RGS18: variants seen among roughly 807,000 people sequenced by gnomAD.
RGS18 encodes regulator of G-protein signaling 18.
RGS18 carries 22 observed loss-of-function variants against 27.6 expected under a neutral mutation model. That is an observed-to-expected ratio of 0.80 (90% CI 0.57 to 1.14). The LOEUF is 1.14. Ranked by LOEUF, RGS18 falls within the 50% of genes most tolerant of loss-of-function variation. RGS18 has a pLI of 0.00. For synonymous variants in RGS18, 89 were observed against 84.6 expected, an observed-to-expected ratio of 1.05 and a Z score of -0.29; for missense variants, 299 against 269.6, an observed-to-expected ratio of 1.11 and a Z score of -0.76.
intron 3 of RGS18, among the ~76,000 whole-genome samples, chr1:192,167,442 T>A (rs1226117365): frequency 6.6e-6 from 1 of 152,032 alleles, no homozygotes; most frequent in African/African-American, 2.4e-5. Flanking sequence ...TTTTTTTATA[T>A]TGAATCTCAC....
In RGS18 at chr1:192,158,489, G is replaced by A; in HGVS notation, c.-149G>A. ...TTCTGCATTTCTGCAGAGACAGAAA[G>A]AAACGCAGCTCTTGACTTCTTTTTT... On this transcript the variant is annotated 5_prime_UTR_variant, in exon 1 of 5. Coordinates refer to ENST00000367460, the MANE Select transcript of RGS18 (RefSeq NM_130782.3). The A allele has an allele frequency of 1.6e-6, 1 of 641,578 alleles. No individual in the cohort carries two copies. The highest frequency in any genetic ancestry group is 2.3e-6 in the Non-Finnish European group (1 of 435,390). 39.7% of individuals were successfully genotyped at this position (641,578 alleles called of 1,614,324 possible).
Position 192,176,032 on chromosome 1 carries a change from C to T in RGS18, c.284-5260C>T, listed in dbSNP as rs79166155. Among the ~76,000 whole-genome samples, 310 of 151,924 alleles carry T rather than the reference C, an allele frequency of 2.0e-3. 2 individuals carry two copies. Among genetic ancestry groups the T allele is most frequent in the South Asian group, 0.019 (92 of 4,820 alleles). On this transcript the variant is annotated intron_variant, in intron 3 of 4. Transcript: ENST00000367460. Reference sequence around the variant, plus strand: ...ATGGCAGCCGAGGGATCCCAGAAAGCAGCCTGTCCTGGTTTTTATGTCCGA... The same window carrying T: ...ATGGCAGCCGAGGGATCCCAGAAAGTAGCCTGTCCTGGTTTTTATGTCCGA...
chr1:192,165,587 C>A (rs1333186994), intron 3 of RGS18, among the ~76,000 whole-genome samples: 2 of 152,160 alleles, frequency 1.3e-5, no homozygotes, highest in Admixed American at 6.5e-5. Flanking sequence ...CTTTTGTGCT[C>A]TTTCCCTTTA....
intron 3 of RGS18, chr1:192,160,726 G>T: frequency 2.9e-6 from 1 of 344,816 alleles, no homozygotes. Context: ...GAAATCTTCG[G>T]TTTTATCAAA....
intron 3 of RGS18, among the ~76,000 whole-genome samples, chr1:192,164,501 TA>T (rs1656129547): frequency 1.3e-5 from 2 of 151,954 alleles, no homozygotes; most frequent in Non-Finnish European, 2.9e-5. Context: ...TTAACTTTTT[TA>T]AAATTAAAAA....
chr1:192,159,570 T>G (rs577169107), intron 2 of RGS18, among the ~76,000 whole-genome samples: 1 of 152,310 alleles, frequency 6.6e-6, no homozygotes, highest in East Asian at 1.9e-4. Context: ...CAGTTTTAAA[T>G]GACATGTTTT....
At chr1:192,160,915 C>A (rs988073205) in intron 3 of RGS18, among the ~76,000 whole-genome samples, 1 of 152,136 alleles carries the variant, frequency 6.6e-6, no homozygotes, top group South Asian at 2.1e-4. Context: ...TGCAGTGGCG[C>A]CATCTCGGCT....
At chr1:192,178,656 T>C (rs973503126) in intron 3 of RGS18, among the ~76,000 whole-genome samples, 8 of 151,564 alleles carry the variant, frequency 5.3e-5, no homozygotes, top group African/African-American at 1.9e-4. Flanking sequence ...AAGTGTTGAA[T>C]GGAAACCACA....
At chr1:192,165,439 T>A (rs1656147320) in intron 3 of RGS18, among the ~76,000 whole-genome samples, 1 of 152,220 alleles carries the variant, frequency 6.6e-6, no homozygotes, top group South Asian at 2.1e-4. Context: ...ATGTGATCTC[T>A]GTGACCCACA....
At chr1:192,166,865 A>C (rs1656171992) in intron 3 of RGS18, among the ~76,000 whole-genome samples, 1 of 152,204 alleles carries the variant, frequency 6.6e-6, no homozygotes, top group Non-Finnish European at 1.5e-5. Context: ...AAAATATGGA[A>C]GGCTGACTTA....
chr1:192,173,691 A>G (rs557123274), intron 3 of RGS18, among the ~76,000 whole-genome samples: 180 of 151,896 alleles, frequency 1.2e-3, no homozygotes, highest in African/African-American at 4.2e-3. Flanking sequence ...TTTTTTAAAC[A>G]ATTTCCCTAT....
Position 192,184,318 on chromosome 1 carries a change from A to G in RGS18, c.472A>G (p.Lys158Glu), listed in dbSNP as rs1394298085. 1.2e-6 allele frequency: 2 copies of G among 1,609,704 alleles called. No homozygotes were observed. The highest frequency in any genetic ancestry group is 1.1e-5 in the South Asian group (1 of 90,908). The change falls in exon 5 of 5, where the codon AAA (lysine) becomes GAA (glutamate). Residue 158 changes from lysine to glutamate, a missense_variant. By Grantham distance (56) the Lys-to-Glu change is moderately conservative. Coordinates refer to ENST00000367460, the MANE Select transcript of RGS18 (RefSeq NM_130782.3). ...CCAGGTTAACCTTGATTTTCACACA[A>G]AAGAAGTCATTACAAACAGCATCAC... Reference protein sequence around the residue: ...PKEVNLDFHTKEVITNSITQP... With the variant: ...PKEVNLDFHTEEVITNSITQP...
At chr1:192,159,895 C>T (rs939091265) in intron 2 of RGS18, among the ~76,000 whole-genome samples, 4 of 151,754 alleles carry the variant, frequency 2.6e-5, no homozygotes, top group African/African-American at 9.7e-5. Flanking sequence ...TCTTATATTT[C>T]TTATCCCTTT....
intron 3 of RGS18, among the ~76,000 whole-genome samples, chr1:192,162,259 TTTTG>T (rs982467938): frequency 2.0e-5 from 3 of 152,250 alleles, no homozygotes; most frequent in African/African-American, 4.8e-5. Flanking sequence ...TTTTGCTGTT[TTTTG>T]TTTGTTTTCT....
intron 4 of RGS18, among the ~76,000 whole-genome samples, chr1:192,182,806 G>A (rs1212879892): frequency 6.6e-6 from 1 of 151,544 alleles, no homozygotes; most frequent in African/African-American, 2.4e-5. Flanking sequence ...TATAAGTGAT[G>A]AAGTCAAGGG....
intron 3 of RGS18, among the ~76,000 whole-genome samples, chr1:192,162,275 TTTTG>T (rs1453611682): frequency 6.6e-6 from 1 of 152,152 alleles, no homozygotes; most frequent in Non-Finnish European, 1.5e-5. Context: ...TTGTTTTCTT[TTTTG>T]TTTTTTTGGT....
Position 192,184,277 on chromosome 1 carries a change from C to G in RGS18, c.451-20C>G. 1.3e-6 allele frequency: 2 copies of G among 1,598,408 alleles called. No individual in the cohort carries two copies. Among genetic ancestry groups the G allele is most frequent in the Non-Finnish European group, 1.7e-6 (2 of 1,168,564 alleles). The stretch of plus-strand genomic sequence containing the variant: ...TATAAGCATATTAACTATAATCACA[C>G]TTTTTTTCTGTTTATCCAGGTTAAC... On this transcript the variant is annotated intron_variant, in intron 4 of 4. Transcript: ENST00000367460.
At chr1:192,166,545 G>T (rs1656165914) in intron 3 of RGS18, among the ~76,000 whole-genome samples, 1 of 151,856 alleles carries the variant, frequency 6.6e-6, no homozygotes, top group Non-Finnish European at 1.5e-5. Flanking sequence ...CTACAAAGTT[G>T]TTATATAAAA....
intron 3 of RGS18, among the ~76,000 whole-genome samples, chr1:192,174,233 T>G (rs1656318334): frequency 6.6e-6 from 1 of 151,800 alleles, no homozygotes; most frequent in East Asian, 1.9e-4. Context: ...AAATATTTGT[T>G]TTTGTTTTGT....
Sources: allele counts gnomAD v4.1 joint callset (sites outside exome capture counted in the v4.1 genomes callset), GRCh38; gene constraint gnomAD v4.1.1; transcripts MANE v1.5; gene names NCBI Gene and HGNC (gene_info 2026-07-23, HGNC 2026-07-21).